CAPZA2: variants seen among roughly 807,000 people sequenced by gnomAD.
CAPZA2 encodes the protein capping actin protein of muscle Z-line subunit alpha 2, also known as F-actin-capping protein subunit alpha-2.
In CAPZA2, 13 loss-of-function variants were observed where a neutral mutation model predicts 44.0. The observed-to-expected ratio is 0.30, with a 90% confidence interval of 0.19 to 0.47. CAPZA2 has a LOEUF of 0.47. Among genes scored for constraint, CAPZA2 ranks in the 20% least tolerant of loss-of-function variants. The pLI is 1.00. For synonymous variants in CAPZA2, 94 were observed against 108.2 expected (o/e 0.87, Z 0.81); for missense variants, 244 against 338.6 (o/e 0.72, Z 2.19).
intron 1 of CAPZA2, among the ~76,000 whole-genome samples, chr7:116,865,887 T>A (rs978027795): frequency 6.6e-6 from 1 of 152,182 alleles, no homozygotes; most frequent in African/African-American, 2.4e-5. Flanking sequence ...AGCCCTTTTT[T>A]AAAAAGTAAT....
At chr7:116,914,861 A>G (rs901351245) in intron 8 of CAPZA2, among the ~76,000 whole-genome samples, 2 of 152,202 alleles carry the variant, frequency 1.3e-5, no homozygotes, top group Admixed American at 1.3e-4. Flanking sequence ...AAAACTTACT[A>G]ATGTCTGATT....
At chr7:116,877,957 T>C (rs1366249328) in intron 1 of CAPZA2, among the ~76,000 whole-genome samples, 2 of 152,094 alleles carry the variant, frequency 1.3e-5, no homozygotes, top group Non-Finnish European at 2.9e-5. Flanking sequence ...TAAAATGGAA[T>C]GGAATCAAAT....
chr7:116,910,272 T>C lies in CAPZA2; in HGVS notation c.546T>C (p.Thr182=). The change falls in exon 7 of 10, where the codon ACT becomes ACC. Residue 182 remains threonine (T), a synonymous_variant. Transcript: ENST00000361183. ...RWRSEWKFTI[T]PSTTQVVGIL... ...GGTCAGAATGGAAGTTTACAATCAC[T>C]CCTTCAACCACTCAAGTGGTTGGCA... The C allele has an allele frequency of 1.2e-6, 2 of 1,601,938 alleles. No homozygotes were observed. The highest frequency in any genetic ancestry group is 1.7e-6 in the Non-Finnish European group (2 of 1,169,048).
intron 4 of CAPZA2, among the ~76,000 whole-genome samples, chr7:116,900,125 T>A (rs542768404): frequency 6.6e-6 from 1 of 151,716 alleles, no homozygotes; most frequent in African/African-American, 2.4e-5. Context: ...AAAATAAAAA[T>A]TCTAGTAAAA....
intron 2 of CAPZA2, among the ~76,000 whole-genome samples, chr7:116,889,632 T>A (rs1442919661): frequency 2.0e-5 from 3 of 151,286 alleles, no homozygotes; most frequent in Non-Finnish European, 4.4e-5. Context: ...AGTCAGAAAG[T>A]GAGGCAAAAG....
Position 116,906,276 on chromosome 7 carries a change from A to C in CAPZA2, c.440A>C (p.Lys147Thr). 3 of 1,612,858 alleles carry C rather than the reference A, an allele frequency of 1.9e-6. No individual in the cohort carries two copies. The highest frequency in any genetic ancestry group is 2.5e-6 in the Non-Finnish European group (3 of 1,179,774). ...TTTGCCAATAAGGTGTATGGCAAAA[A>C]AATAGATGGACAGCAAACCATTATT... The part of the protein sequence containing the change: ...PNGVCTVYGK[K>T]IDGQQTIIAC... The change falls in exon 6 of 10, where the codon AAA becomes ACA. Residue 147 changes from lysine (K) to threonine (T), a missense_variant. Transcript: ENST00000361183.
chr7:116,902,377 TAAGA>T (rs1797006675), intron 4 of CAPZA2, among the ~76,000 whole-genome samples: 1 of 152,056 alleles, frequency 6.6e-6, no homozygotes, highest in South Asian at 2.1e-4. Flanking sequence ...TATAAATTGA[TAAGA>T]AAAAGACACC....
At chr7:116,908,066 C>A (rs1380680862) in intron 6 of CAPZA2, among the ~76,000 whole-genome samples, 1 of 151,334 alleles carries the variant, frequency 6.6e-6, no homozygotes, top group East Asian at 1.9e-4. Flanking sequence ...TTCAAGAAAC[C>A]TGGGCAACAT....
intron 1 of CAPZA2, among the ~76,000 whole-genome samples, chr7:116,881,149 T>G (rs183240358): frequency 3.4e-4 from 52 of 152,318 alleles, no homozygotes; most frequent in African/African-American, 1.2e-3. Flanking sequence ...CCTGCTAATA[T>G]TATTGAATAT....
chr7:116,869,197 T>C (rs1449581742), intron 1 of CAPZA2, among the ~76,000 whole-genome samples: 3 of 152,236 alleles, frequency 2.0e-5, no homozygotes, highest in Non-Finnish European at 4.4e-5. Context: ...AGGAGATTCA[T>C]GCATATCAAA....
At chr7:116,882,262 A>G (rs1483673430) in intron 1 of CAPZA2, among the ~76,000 whole-genome samples, 1 of 152,184 alleles carries the variant, frequency 6.6e-6, no homozygotes, top group Non-Finnish European at 1.5e-5. Context: ...TTTGCTTGCT[A>G]GAATTACTGT....
chr7:116,869,547 A>G (rs535673591), intron 1 of CAPZA2, among the ~76,000 whole-genome samples: 120 of 152,326 alleles, frequency 7.9e-4, no homozygotes, highest in Non-Finnish European at 1.5e-3. Context: ...TGTACAATCA[A>G]TGGGTTGTAA....
intron 4 of CAPZA2, among the ~76,000 whole-genome samples, chr7:116,901,848 TG>T (rs1280544158): frequency 6.7e-6 from 1 of 149,104 alleles, no homozygotes; most frequent in Non-Finnish European, 1.5e-5. Context: ...AAAGTTTATG[TG>T]GAAAAAAAAA....
At chr7:116,910,402 C>T (rs2074025) in intron 7 of CAPZA2, 91 bp downstream of exon 7, 485,540 of 690,762 alleles carry the variant, frequency 0.7, 171,418 homozygotes, top group East Asian at 0.86. Context: ...GTATATCATA[C>T]ACATTTCTTT....
chr7:116,916,840 G>C (rs1052371692), intron 9 of CAPZA2, among the ~76,000 whole-genome samples: 1 of 152,140 alleles, frequency 6.6e-6, no homozygotes, highest in African/African-American at 2.4e-5. Flanking sequence ...GTGTCATGTT[G>C]ATGCTCAAAA....
intron 9 of CAPZA2, 117 bp from the exon 10 acceptor site, chr7:116,917,610 G>GT: frequency 1.3e-6 from 1 of 782,706 alleles, no homozygotes. Flanking sequence ...TTATTTGACT[G>GT]TTTAAAAACA....
chr7:116,900,054 T>C (rs965036104), intron 4 of CAPZA2, among the ~76,000 whole-genome samples: 4 of 151,588 alleles, frequency 2.6e-5, no homozygotes, highest in African/African-American at 9.7e-5. Flanking sequence ...AGAAAAATCT[T>C]ATGATGTATC....
At position 116,876,542 on chromosome 7, in the gene CAPZA2, ATATTTGCTTTTAGACCT is replaced by A. The variant is rs554752375; in HGVS notation, c.40-11574_40-11558del. Among the ~76,000 whole-genome samples the A allele has an allele frequency of 4.2e-4, 64 of 152,314 alleles. No individual in the cohort carries two copies. In the South Asian group the frequency reaches 5.4e-3, roughly 13 times the overall value. The stretch of plus-strand genomic sequence containing the variant: ...CATGTTCTCTTCTAATGTTTAGACT[ATATTTGCTTTTAGACCT>A]TATTTGCTTTCTTAAAACATATTTT... On this transcript the variant is annotated intron_variant, in intron 1 of 9. Coordinates refer to ENST00000361183, the MANE Select transcript of CAPZA2 (RefSeq NM_006136.3).
Position 116,918,043 on chromosome 7 carries a change from G to T in CAPZA2, c.*176G>T. ...CTAATCAACCATTATTTTTCATTTT[G>T]TTTGTTCTAAGAGGATTGAAAATCA... is the stretch of plus-strand genomic sequence containing the variant. On this transcript the variant is annotated 3_prime_UTR_variant, in exon 10 of 10. Transcript: ENST00000361183. The T allele has an allele frequency of 1.8e-6, 1 of 554,970 alleles. No individual in the cohort carries two copies. The highest frequency in any genetic ancestry group is 2.4e-5 in the South Asian group (1 of 41,772). 34.4% of individuals were successfully genotyped at this position (554,970 alleles called of 1,614,324 possible).
Sources: allele counts gnomAD v4.1 joint callset (sites outside exome capture counted in the v4.1 genomes callset), GRCh38; gene constraint gnomAD v4.1.1; transcripts MANE v1.5; gene names NCBI Gene and HGNC (gene_info 2026-07-23, HGNC 2026-07-21).